The following PANX3 variants were observed in gnomAD, a reference collection of about 807,000 sequenced individuals.
PANX3 encodes pannexin-3.
A neutral mutation model predicts 31.5 loss-of-function variants in PANX3; 18 were observed. That is an observed-to-expected ratio of 0.57 (90% CI 0.39 to 0.85). PANX3 has a LOEUF of 0.85. Among genes scored for constraint, PANX3 ranks in the 40% least tolerant of loss-of-function variants. The pLI is 0.00. For synonymous variants in PANX3, 194 were observed against 201.6 expected, an observed-to-expected ratio of 0.96 and a Z score of 0.32; for missense variants, 426 against 485.4, an observed-to-expected ratio of 0.88 and a Z score of 1.15.
At position 124,612,815 on chromosome 11, in the gene PANX3, C is replaced by T. The variant is rs186526535; in HGVS notation, c.182-165C>T. 2.2e-3 allele frequency among the ~76,000 whole-genome samples: 333 copies of T among 152,264 alleles called. 2 individuals carry two copies. Among genetic ancestry groups the T allele is most frequent in the Middle Eastern group, 6.8e-3 (2 of 294 alleles). The stretch of plus-strand genomic sequence containing the variant: ...ATACAGTGGGATGCGTCCAGGAGTG[C>T]CCTGTCCTACCGTGACATGGCAGTG... On this transcript the variant is annotated intron_variant, in intron 1 of 3. Coordinates refer to ENST00000284288, the MANE Select transcript of PANX3 (RefSeq NM_052959.3).
Position 124,616,364 on chromosome 11 carries a change from C to CT in PANX3, c.325-901dup, listed in dbSNP as rs1035331489. ...TATGCATTTCTGCTTCTTTACCTGG[C>CT]TTTTTTTTTAAAAAAGAAAAAAAAG... On this transcript the variant is annotated intron_variant, in intron 2 of 3. Transcript: ENST00000284288. This position sits in a 1 kb window ranked among gnomAD's most constrained non-coding sequence, Gnocchi z 4.8. Among the ~76,000 whole-genome samples the CT allele has an allele frequency of 1.5e-4, 23 of 151,392 alleles. No individual in the cohort carries two copies. In the South Asian group the frequency reaches 2.7e-3, roughly 18 times the overall value.
At position 124,613,011 on chromosome 11, in the gene PANX3, C is replaced by T; in HGVS notation, c.213C>T (p.Asn71=). 6.2e-7 allele frequency: 1 copy of T among 1,614,164 alleles called. No homozygotes were observed. The highest frequency in any genetic ancestry group is 8.5e-7 in the Non-Finnish European group (1 of 1,180,024). The change falls in exon 2 of 4, where the codon AAC becomes AAT. Residue 71 remains asparagine, a synonymous_variant. Coordinates refer to ENST00000284288, the MANE Select transcript of PANX3 (RefSeq NM_052959.3). ...CGATCAGCTGCTTCTCTCCCAGTAA[C>T]TTCAGCATCCGGCAGGCAGCCTACG... ...GSPISCFSPS[N]FSIRQAAYVD...
At position 124,611,639 on chromosome 11, in the gene PANX3, T is replaced by C. The variant is rs1565393937; in HGVS notation, c.83T>C (p.Leu28Pro). The change falls in exon 1 of 4, where the codon CTG becomes CCG. Residue 28 changes from leucine to proline, a missense_variant. Physicochemically the swap from Leu to Pro is moderately conservative, Grantham distance 98. Transcript: ENST00000284288. Reference protein sequence around the residue: ...PDRRGPRLKGLRLELPLDRIV... With the variant: ...PDRRGPRLKGPRLELPLDRIV... Reference sequence around the variant, plus strand: ...CGCAGGGGACCCCGCCTCAAAGGACTGCGTCTGGAACTGCCCCTGGACCGG... The same window carrying C: ...CGCAGGGGACCCCGCCTCAAAGGACCGCGTCTGGAACTGCCCCTGGACCGG... The C allele has an allele frequency of 6.2e-7, 1 of 1,614,194 alleles. No homozygotes were observed. Among genetic ancestry groups the C allele is most frequent in the Non-Finnish European group, 8.5e-7 (1 of 1,180,014 alleles).
Position 124,616,692 on chromosome 11 carries a change from A to G in PANX3, c.325-582A>G, listed in dbSNP as rs892439880. On this transcript the variant is annotated intron_variant, in intron 2 of 3. Coordinates refer to ENST00000284288, the MANE Select transcript of PANX3 (RefSeq NM_052959.3). This position sits in a 1 kb window ranked among gnomAD's most constrained non-coding sequence, Gnocchi z 4.8. ...GCAAAGAATCCCAAGACAGTGTCTG[A>G]TAGTGTAGTTTGGCATTACCAAGAA... Among the ~76,000 whole-genome samples the G allele has an allele frequency of 1.3e-5, 2 of 152,220 alleles. No homozygotes were observed. The highest frequency in any genetic ancestry group is 2.9e-5 in the Non-Finnish European group (2 of 68,028).
intron 3 of PANX3, among the ~76,000 whole-genome samples, chr11:124,618,225 A>G (rs1055642868): frequency 5.1e-4 from 78 of 152,136 alleles, no homozygotes; most frequent in African/African-American, 1.8e-3. Flanking sequence ...GCCCAAGGAG[A>G]CAATTGCGCT....
chr11:124,614,812 G>T (rs754309089), intron 2 of PANX3, among the ~76,000 whole-genome samples: 17 of 151,118 alleles, frequency 1.1e-4, no homozygotes, highest in Non-Finnish European at 2.1e-4. Context: ...AAGTAGCTGG[G>T]ACTACAGGCA....
intron 1 of PANX3, 107 bp from the exon 2 acceptor site, chr11:124,612,873 A>C: frequency 7.2e-7 from 1 of 1,383,532 alleles, no homozygotes. Context: ...TGGGAAGAAG[A>C]CAGTCCCTGC....
rs1479078008 is a variant in PANX3 at position 124,616,582 on chromosome 11, G to A, written c.325-692G>A. Among the ~76,000 whole-genome samples the A allele has an allele frequency of 1.3e-5, 2 of 152,174 alleles. No individual in the cohort carries two copies. The highest frequency in any genetic ancestry group is 2.9e-5 in the Non-Finnish European group (2 of 68,044). ...CAACCCATATCAGTCCCTTATTGCA[G>A]ATAGCTAATGATGCAGTCATTGAGC... On this transcript the variant is annotated intron_variant, in intron 2 of 3. Transcript: ENST00000284288. The surrounding 1 kb of genome is among the most constrained non-coding windows in gnomAD (Gnocchi z 4.8).
chr11:124,613,094 A>C lies in PANX3; in HGVS notation c.296A>C (p.Asp99Ala). ...CATAAGCAGGACGGGCCTGGCCAGGACAAAATGAAATCTCTCTGGCCCCAC... is the reference window on the plus strand; with the variant it reads ...CATAAGCAGGACGGGCCTGGCCAGGCCAAAATGAAATCTCTCTGGCCCCAC... ...LHHKQDGPGQ[D>A]KMKSLWPHKA... Residue 99 changes from aspartate (D) to alanine (A), a missense_variant, in exon 2 of 4, where the codon GAC becomes GCC. Physicochemically the swap from Asp to Ala is moderately radical, Grantham distance 126. Coordinates refer to ENST00000284288, the MANE Select transcript of PANX3 (RefSeq NM_052959.3). The C allele has an allele frequency of 1.2e-6, 2 of 1,613,968 alleles. No individual in the cohort carries two copies. The highest frequency in any genetic ancestry group is 1.7e-6 in the Non-Finnish European group (2 of 1,180,018).
At chr11:124,618,377 T>G (rs1863176695) in intron 3 of PANX3, among the ~76,000 whole-genome samples, 1 of 152,200 alleles carries the variant, frequency 6.6e-6, no homozygotes, top group Non-Finnish European at 1.5e-5. Flanking sequence ...GTTACCTCCC[T>G]CTCCTAACTT....
At chr11:124,618,161 A>G (rs1480333718) in intron 3 of PANX3, among the ~76,000 whole-genome samples, 2 of 152,220 alleles carry the variant, frequency 1.3e-5, no homozygotes, top group Non-Finnish European at 2.9e-5. Context: ...GGGCAAGAGG[A>G]AGCTGGAGGG....
chr11:124,618,663 G>A (rs975890103), intron 3 of PANX3, among the ~76,000 whole-genome samples: 16 of 152,236 alleles, frequency 1.1e-4, no homozygotes, highest in South Asian at 2.1e-4. Flanking sequence ...GGGGGTGGGG[G>A]AGACAGGGTC....
At chr11:124,615,715 T>TA (rs1483813747) in intron 2 of PANX3, among the ~76,000 whole-genome samples, 1 of 152,134 alleles carries the variant, frequency 6.6e-6, no homozygotes, top group Non-Finnish European at 1.5e-5. Flanking sequence ...AATGTAGCTT[T>TA]AAAAAATATT....
In PANX3 at chr11:124,611,543, A is replaced by C. The variant is rs1404281472; in HGVS notation, c.-14A>C. 4.4e-6 allele frequency: 7 copies of C among 1,594,970 alleles called. No individual in the cohort carries two copies. Among genetic ancestry groups the C allele is most frequent in the Non-Finnish European group, 6.0e-6 (7 of 1,167,030 alleles). On this transcript the variant is annotated 5_prime_UTR_variant, in exon 1 of 4. Coordinates refer to ENST00000284288, the MANE Select transcript of PANX3 (RefSeq NM_052959.3). Reference sequence around the variant, plus strand: ...CCCTGCTGCCACCTCTGCACCCCCAAGCTCAGCAGCATCATGTCACTTGCA... The same window carrying C: ...CCCTGCTGCCACCTCTGCACCCCCACGCTCAGCAGCATCATGTCACTTGCA...
At position 124,616,641 on chromosome 11, in the gene PANX3, T is replaced by C. The variant is rs1220573900; in HGVS notation, c.325-633T>C. The stretch of plus-strand genomic sequence containing the variant: ...CTTATGGATTCCTGAAAGTCACTTA[T>C]AGATTTACATGCCTGAAAGAGCCCC... On this transcript the variant is annotated intron_variant, in intron 2 of 3. Transcript: ENST00000284288. This position sits in a 1 kb window ranked among gnomAD's most constrained non-coding sequence, Gnocchi z 4.8. 1.3e-5 allele frequency among the ~76,000 whole-genome samples: 2 copies of C among 152,238 alleles called. No homozygotes were observed. Among genetic ancestry groups the C allele is most frequent in the South Asian group, 2.1e-4 (1 of 4,834 alleles).
intron 2 of PANX3, among the ~76,000 whole-genome samples, chr11:124,613,386 G>C (rs7937613): frequency 0.15 from 23,448 of 152,072 alleles, 4,203 homozygotes; most frequent in African/African-American, 0.44. Context: ...TCATTAGTAT[G>C]TGAAATATTG....
In PANX3 at chr11:124,619,662, ATCTG is replaced by A. The variant is rs1565395716; in HGVS notation, c.910_913del (p.Val304MetfsTer15). The A allele has an allele frequency of 6.2e-6, 10 of 1,614,094 alleles. No individual in the cohort carries two copies. Among genetic ancestry groups the A allele is most frequent in the Non-Finnish European group, 8.5e-6 (10 of 1,180,042 alleles). The stretch of plus-strand genomic sequence containing the variant: ...TATGTCGGTGGGACAAACGACTTTT[ATCTG>A]TCTATGAGATGCTCCCAGCTTTTGA... On this transcript the variant is annotated frameshift_variant, in exon 4 of 4. Transcript: ENST00000284288. LOFTEE classifies it high-confidence loss of function.
intron 1 of PANX3, among the ~76,000 whole-genome samples, chr11:124,612,680 C>T (rs1229989606): frequency 6.6e-6 from 1 of 152,154 alleles, no homozygotes; most frequent in East Asian, 1.9e-4. Context: ...ACCATCAAAC[C>T]GCAAGCCTTC....
Position 124,620,027 on chromosome 11 carries a change from C to T in PANX3, c.*92C>T. The T allele has an allele frequency of 2.2e-6, 3 of 1,361,966 alleles. No individual in the cohort carries two copies. The highest frequency in any genetic ancestry group is 3.0e-6 in the Non-Finnish European group (3 of 1,002,046). The allele number at this position is 1,361,966 out of a possible 1,614,324, so 84.4% of individuals were successfully genotyped here. A position where few individuals can be genotyped will look rare whatever the true frequency, so the allele number is the denominator to read the frequency against. On this transcript the variant is annotated 3_prime_UTR_variant, in exon 4 of 4. Coordinates refer to ENST00000284288, the MANE Select transcript of PANX3 (RefSeq NM_052959.3). ...AATACACATACACACCAAAAAATTA[C>T]ACATTTTAAAACTGCTAAGCTTGGA...
Sources: gnomAD v4.1 joint callset for allele counts (sites outside exome capture counted in the v4.1 genomes callset) on GRCh38, gnomAD v4.1.1 for gene constraint, Gnocchi (gnomAD v3.1) non-coding constraint, MANE v1.5 for transcripts, NCBI Gene and HGNC (gene_info 2026-07-23, HGNC 2026-07-21) for gene names.